Variants in PC observed in about 807,000 individuals in gnomAD.
PC encodes the protein pyruvate carboxylase, mitochondrial.
Under a neutral mutation model 107.8 loss-of-function variants are expected in PC, and 46 were observed. The ratio of observed to expected loss-of-function variants is 0.43; its 90% CI spans 0.34 to 0.55. The LOEUF (loss-of-function observed/expected upper bound fraction) is 0.55. PC is among the 20% of genes least tolerant of loss of function. The probability of loss-of-function intolerance (pLI) is 0.04; values close to 1 mark genes in which losing one functional copy is unlikely to be tolerated. For synonymous variants in PC, 662 were observed against 684.7 expected (o/e 0.97, Z 0.52); for missense variants, 1,241 against 1,643.1 (o/e 0.76, Z 4.23).
intron 3 of PC, among the ~76,000 whole-genome samples, chr11:66,944,984 T>C (rs1404210111): frequency 8.5e-6 from 1 of 118,024 alleles, no homozygotes; most frequent in African/African-American, 3.0e-5. Flanking sequence ...AAGAATTTGA[T>C]GGCAATGGGC....
chr11:66,872,309 G>A, intron 3 of PC, 150 bp from the exon 4 acceptor site: 1 of 952,116 alleles, frequency 1.1e-6, no homozygotes. Flanking sequence ...ACATTTCCTG[G>A]CTCTAGAGAA....
At chr11:66,856,301 G>A (rs1945819901) in intron 12 of PC, among the ~76,000 whole-genome samples, 2 of 152,232 alleles carry the variant, frequency 1.3e-5, no homozygotes, top group Non-Finnish European at 2.9e-5. Flanking sequence ...AAGCCGCGCC[G>A]CGCAGACCAA....
chr11:66,904,612 T>C (rs1424859045), intron 3 of PC, among the ~76,000 whole-genome samples: 1 of 152,250 alleles, frequency 6.6e-6, no homozygotes, highest in African/African-American at 2.4e-5. Flanking sequence ...CACTCCAGCA[T>C]GGGTGACAGA....
At chr11:66,942,465 A>G (rs1358831499) in intron 3 of PC, among the ~76,000 whole-genome samples, 1 of 152,080 alleles carries the variant, frequency 6.6e-6, no homozygotes, top group Non-Finnish European at 1.5e-5. Context: ...ACATTATGCT[A>G]TGTGAAATAT....
chr11:66,858,127 G>A lies in PC; in HGVS notation c.1369-4744C>T. 1 of 1,610,632 alleles carries A rather than the reference G, an allele frequency of 6.2e-7. No individual in the cohort carries two copies. Among genetic ancestry groups the A allele is most frequent in the Non-Finnish European group, 8.5e-7 (1 of 1,178,854 alleles). On this transcript the variant is annotated intron_variant, in intron 12 of 22. Coordinates refer to ENST00000393960, the MANE Select transcript of PC (RefSeq NM_001040716.2). This position sits in a 1 kb window ranked among gnomAD's most constrained non-coding sequence, Gnocchi z 5.9. ...GTCAATCTGCAGCACCTCATCCTCA[G>A]CGGCAACCAGCTGGGCCGCATCGCG...
chr11:66,934,896 C>T (rs777950620), intron 3 of PC, among the ~76,000 whole-genome samples: 4 of 152,174 alleles, frequency 2.6e-5, no homozygotes, highest in East Asian at 1.9e-4. Flanking sequence ...TGAACAACCG[C>T]GCCCAGCCCC....
intron 21 of PC, 53 bp from the exon 22 acceptor site, chr11:66,849,423 C>T (rs1297275027): frequency 1.2e-6 from 2 of 1,609,360 alleles, no homozygotes; most frequent in South Asian, 2.2e-5. Flanking sequence ...GGAGAGCAGT[C>T]CCCCGGCCCT....
chr11:66,925,923 TA>T (rs61309968), intron 3 of PC, among the ~76,000 whole-genome samples: 3,484 of 134,198 alleles, frequency 0.026, 71 homozygotes, highest in African/African-American at 0.066. Flanking sequence ...GGAGGGGAGT[TA>T]AAAAAAAAAA....
At chr11:66,861,819 C>A (rs1019228275) in intron 12 of PC, among the ~76,000 whole-genome samples, 1 of 151,706 alleles carries the variant, frequency 6.6e-6, no homozygotes, top group Non-Finnish European at 1.5e-5. Context: ...CCCGTGGTCA[C>A]GGTCTCTAGT....
chr11:66,924,920 G>A (rs1809752816), intron 3 of PC, among the ~76,000 whole-genome samples: 2 of 152,166 alleles, frequency 1.3e-5, no homozygotes, highest in South Asian at 2.1e-4. Context: ...AAGGGACAGA[G>A]TACAAAAGAG....
At chr11:66,861,084 C>T (rs372584386) in intron 12 of PC, among the ~76,000 whole-genome samples, 8 of 152,326 alleles carry the variant, frequency 5.3e-5, no homozygotes, top group East Asian at 1.9e-4. Context: ...CGAGCAGGAC[C>T]GCAGCTGCCA....
At chr11:66,850,513 C>T (rs1282811508) in intron 18 of PC, 49 bp from the exon 19 acceptor site, 1 of 1,612,584 alleles carries the variant, frequency 6.2e-7, no homozygotes, top group Non-Finnish European at 8.5e-7. Context: ...TGTGACTCTT[C>T]CAGGACCCAG....
At chr11:66,886,064 G>C (rs1947348961) in intron 3 of PC, among the ~76,000 whole-genome samples, 1 of 152,226 alleles carries the variant, frequency 6.6e-6, no homozygotes, top group Non-Finnish European at 1.5e-5. Flanking sequence ...GGCTGAGTGA[G>C]AGGCAGCAGA....
At position 66,861,893 on chromosome 11, in the gene PC, G is replaced by C. The variant is rs78661118; in HGVS notation, c.1368+1881C>G. On this transcript the variant is annotated intron_variant, in intron 12 of 22. Coordinates refer to ENST00000393960, the MANE Select transcript of PC (RefSeq NM_001040716.2). ...GAGGAAGATCTTTCCGGGCCCTCCA[G>C]GGTGCAGAAGCCCACCTCTAGCTGC... 6.4e-3 allele frequency among the ~76,000 whole-genome samples: 971 copies of C among 152,278 alleles called. 11 individuals carry two copies. The highest frequency in any genetic ancestry group is 0.023 in the African/African-American group (942 of 41,542).
intron 1 of PC, among the ~76,000 whole-genome samples, chr11:66,956,359 C>T (rs1012464877): frequency 6.6e-6 from 1 of 151,752 alleles, no homozygotes; most frequent in African/African-American, 2.4e-5. Context: ...TCGAGGTGGG[C>T]GGATCACCTG....
At chr11:66,887,968 C>G (rs1478006572) in intron 3 of PC, among the ~76,000 whole-genome samples, 2 of 152,234 alleles carry the variant, frequency 1.3e-5, no homozygotes, top group Admixed American at 6.5e-5. Flanking sequence ...TGCTCGTGGC[C>G]ACATCACTCC....
chr11:66,947,401 G>T (rs1233077482), intron 3 of PC, among the ~76,000 whole-genome samples: 2 of 151,314 alleles, frequency 1.3e-5, no homozygotes, highest in African/African-American at 4.9e-5. Context: ...GGCTAACACA[G>T]TGAAACCCCG....
intron 16 of PC, 69 bp downstream of exon 16, chr11:66,851,721 C>A: frequency 6.7e-7 from 1 of 1,502,614 alleles, no homozygotes; most frequent in Non-Finnish European, 9.3e-7. Flanking sequence ...GAACAGAGGC[C>A]ATCACGACAT....
In PC at chr11:66,943,054, A is replaced by G. The variant is rs528265378; in HGVS notation, c.-1+9376T>C. 2.0e-5 allele frequency among the ~76,000 whole-genome samples: 3 copies of G among 152,182 alleles called. No individual in the cohort carries two copies. In the East Asian group the frequency reaches 5.8e-4, roughly 29 times the overall value. On this transcript the variant is annotated intron_variant, in intron 3 of 22. Transcript: ENST00000393960. ...AGTAAGTTTAATATCAGGTGTACAT[A>G]ATACATGTGTTATATGGACATCCCC...
Sources: gnomAD v4.1 joint callset for allele counts (sites outside exome capture counted in the v4.1 genomes callset) on GRCh38, gnomAD v4.1.1 for gene constraint, Gnocchi (gnomAD v3.1) non-coding constraint, MANE v1.5 for transcripts, NCBI Gene and HGNC (gene_info 2026-07-23, HGNC 2026-07-21) for gene names.